Variants in NTM observed in about 807,000 individuals in gnomAD.
NTM encodes the protein neurotrimin, also known as IgLON family member 2.
In NTM, 13 loss-of-function variants were observed where a neutral mutation model predicts 42.1. The ratio of observed to expected loss-of-function variants is 0.31; its 90% CI spans 0.20 to 0.49. The LOEUF is 0.49. Among genes scored for constraint, NTM ranks in the 20% least tolerant of loss-of-function variants. NTM has a pLI of 0.99. For synonymous variants in NTM, 187 were observed against 179.2 expected, an observed-to-expected ratio of 1.04 and a Z score of -0.35; for missense variants, 373 against 452.8, an observed-to-expected ratio of 0.82 and a Z score of 1.60.
intron 2 of NTM, among the ~76,000 whole-genome samples, chr11:132,055,650 A>T (rs369727523): frequency 6.7e-4 from 90 of 134,152 alleles, no homozygotes; most frequent in Middle Eastern, 3.9e-3. Flanking sequence ...TGTGTGTGTG[A>T]GAGAGAGAGA....
At chr11:132,306,607 G>A (rs772964749) in intron 4 of NTM, 6 of 152,190 alleles carry the variant, frequency 3.9e-5, no homozygotes, top group Non-Finnish European at 8.8e-5. Flanking sequence ...TGTATATTAT[G>A]TTTGGGAAAA....
At chr11:132,041,043 G>A (rs1227621695) in intron 2 of NTM, among the ~76,000 whole-genome samples, 2 of 152,158 alleles carry the variant, frequency 1.3e-5, no homozygotes, top group Non-Finnish European at 2.9e-5. Flanking sequence ...TTTGTCCTTT[G>A]TTCCTAAAAT....
intron 1 of NTM, among the ~76,000 whole-genome samples, chr11:131,458,991 C>T (rs748562077): frequency 6.6e-6 from 1 of 152,254 alleles, no homozygotes; most frequent in Non-Finnish European, 1.5e-5. Flanking sequence ...TCAATCATGT[C>T]CATTACTTGG....
intron 1 of NTM, among the ~76,000 whole-genome samples, chr11:131,703,272 A>G (rs940685063): frequency 6.6e-6 from 1 of 152,232 alleles, no homozygotes; most frequent in Non-Finnish European, 1.5e-5. Context: ...TGATATGTTA[A>G]TTACTTTGAT....
At chr11:132,307,960 T>A in intron 5 of NTM, 137 bp downstream of exon 5, 1 of 743,206 alleles carries the variant, frequency 1.3e-6, no homozygotes, top group Non-Finnish European at 2.1e-6. Context: ...CACACTCTGC[T>A]TTCAGGAGCA....
At chr11:132,325,615 C>A (rs1348980173) in intron 7 of NTM, among the ~76,000 whole-genome samples, 1 of 151,972 alleles carries the variant, frequency 6.6e-6, no homozygotes, top group Non-Finnish European at 1.5e-5. Context: ...GTGGCGATTC[C>A]TCAGGGATCT....
intron 2 of NTM, among the ~76,000 whole-genome samples, chr11:132,018,039 T>G (rs2073714502): frequency 6.6e-6 from 1 of 151,940 alleles, no homozygotes; most frequent in African/African-American, 2.4e-5. Flanking sequence ...GAATTTTCCA[T>G]ATCCAGAGTG....
At chr11:132,161,113 C>G (rs370485786) in intron 3 of NTM, among the ~76,000 whole-genome samples, 1 of 152,190 alleles carries the variant, frequency 6.6e-6, no homozygotes, top group South Asian at 2.1e-4. Flanking sequence ...TGGGATCCCC[C>G]CTTCCTTCTT....
chr11:131,757,154 A>G (rs926708968), intron 1 of NTM, among the ~76,000 whole-genome samples: 8 of 152,200 alleles, frequency 5.3e-5, no homozygotes, highest in Admixed American at 4.6e-4. Flanking sequence ...TTGTGATTCC[A>G]GTTTCCACCC....
At chr11:131,755,478 G>C (rs1028426145) in intron 1 of NTM, among the ~76,000 whole-genome samples, 1 of 152,098 alleles carries the variant, frequency 6.6e-6, no homozygotes, top group East Asian at 1.9e-4. Context: ...TGGATGACCA[G>C]CTAAATTCTA....
chr11:131,459,987 C>A (rs571323905), intron 1 of NTM, among the ~76,000 whole-genome samples: 93 of 152,030 alleles, frequency 6.1e-4, no homozygotes, highest in Non-Finnish European at 1.2e-3. Context: ...GAAAATAAGG[C>A]TCCGTGGCAG....
At chr11:132,102,733 CT>C (rs1160554717) in intron 2 of NTM, among the ~76,000 whole-genome samples, 1 of 152,160 alleles carries the variant, frequency 6.6e-6, no homozygotes, top group African/African-American at 2.4e-5. Context: ...ATTTGCATAA[CT>C]TTTCGGAAGG....
At chr11:131,643,515 A>G (rs1048251505) in intron 1 of NTM, among the ~76,000 whole-genome samples, 1 of 152,196 alleles carries the variant, frequency 6.6e-6, no homozygotes, top group Admixed American at 6.5e-5. Flanking sequence ...GCCCTGGATC[A>G]GTAGTCCCTA....
chr11:132,050,432 G>A (rs975622143), intron 2 of NTM, among the ~76,000 whole-genome samples: 1 of 152,174 alleles, frequency 6.6e-6, no homozygotes, highest in Admixed American at 6.5e-5. Flanking sequence ...AACAAAGTTG[G>A]GGGGAAAGGG....
At chr11:132,200,973 T>C (rs1242305753) in intron 3 of NTM, among the ~76,000 whole-genome samples, 1 of 152,226 alleles carries the variant, frequency 6.6e-6, no homozygotes, top group Non-Finnish European at 1.5e-5. Context: ...GGTAGAGTAA[T>C]GGCACAGACT....
intron 2 of NTM, among the ~76,000 whole-genome samples, chr11:132,112,535 TC>T (rs1342412760): frequency 5.3e-5 from 8 of 152,106 alleles, no homozygotes; most frequent in African/African-American, 1.9e-4. Flanking sequence ...AAAACGAGAC[TC>T]CCAGTGGGAG....
intron 3 of NTM, among the ~76,000 whole-genome samples, chr11:132,188,453 G>A (rs1010508277): frequency 6.6e-6 from 1 of 152,208 alleles, no homozygotes; most frequent in South Asian, 2.1e-4. Flanking sequence ...AGACTCCAGG[G>A]CACCCTTCCC....
intron 1 of NTM, among the ~76,000 whole-genome samples, chr11:131,593,452 G>C (rs907397859): frequency 1.3e-5 from 2 of 152,166 alleles, no homozygotes; most frequent in Non-Finnish European, 2.9e-5. Context: ...GCCTCACCAG[G>C]GTCCATGGGC....
chr11:131,934,983 T>G (rs2059054490), intron 2 of NTM, among the ~76,000 whole-genome samples: 1 of 152,196 alleles, frequency 6.6e-6, no homozygotes, highest in Non-Finnish European at 1.5e-5. Context: ...GCCTGGCCTC[T>G]TGGAGACTGG....
Sources: allele counts gnomAD v4.1 joint callset (sites outside exome capture counted in the v4.1 genomes callset), GRCh38; gene constraint gnomAD v4.1.1; transcripts MANE v1.5; gene names NCBI Gene and HGNC (gene_info 2026-07-23, HGNC 2026-07-21).